Variants in CRYM observed in about 807,000 individuals in gnomAD.
CRYM encodes ketimine reductase mu-crystallin.
CRYM carries 18 observed loss-of-function variants against 32.9 expected under a neutral mutation model. The ratio of observed to expected loss-of-function variants is 0.55; its 90% CI spans 0.38 to 0.81. CRYM has a LOEUF of 0.81. Ranked by LOEUF, CRYM falls within the 30% of genes least tolerant of loss-of-function variation. The pLI, the probability that CRYM is intolerant of heterozygous loss-of-function variation, is 0.00. For missense variants in CRYM, 337 were observed against 393.5 expected (o/e 0.86, Z 1.21); for synonymous variants, 153 against 152.4 (o/e 1.00, Z -0.03).
chr16:21,291,339 G>A (rs1350739323), intron 1 of CRYM, among the ~76,000 whole-genome samples: 1 of 152,148 alleles, frequency 6.6e-6, no homozygotes. Flanking sequence ...AGTACAGAAA[G>A]TGAGTATCTG....
upstream of CRYM, chr16:21,278,335 C>T: frequency 6.7e-7 from 1 of 1,498,378 alleles, no homozygotes; most frequent in South Asian, 1.2e-5. Context: ...GCGCCCGCTG[C>T]TCTGTGGAGC....
intron 1 of CRYM, among the ~76,000 whole-genome samples, chr16:21,293,476 C>A (rs1431719429): frequency 1.3e-5 from 2 of 152,136 alleles, no homozygotes. Flanking sequence ...AAAAAAATCT[C>A]TGAGAACTAG....
At chr16:21,269,073 G>A (rs998179209) in intron 4 of CRYM, among the ~76,000 whole-genome samples, 24 of 147,708 alleles carry the variant, frequency 1.6e-4, no homozygotes, top group Admixed American at 1.5e-3. Flanking sequence ...GAACCCAGGA[G>A]ATGGAGGTTG....
At chr16:21,301,636 TGCTCCCCTCGA>T (rs1960938628) in intron 1 of CRYM, among the ~76,000 whole-genome samples, 1 of 152,212 alleles carries the variant, frequency 6.6e-6, no homozygotes, top group Non-Finnish European at 1.5e-5. Context: ...GGTTCTTGCG[TGCTCCCCTCGA>T]GCACCGCCGA....
chr16:21,281,556 A>G (rs905129983), upstream of CRYM, among the ~76,000 whole-genome samples: 3 of 152,160 alleles, frequency 2.0e-5, no homozygotes, highest in Non-Finnish European at 2.9e-5. Context: ...TAAAACAATT[A>G]CAACTCATCC....
chr16:21,297,427 A>T (rs1334879911), intron 1 of CRYM, among the ~76,000 whole-genome samples: 1 of 152,176 alleles, frequency 6.6e-6, no homozygotes, highest in South Asian at 2.1e-4. Context: ...AGACTCATGA[A>T]CACAAGGAAT....
intron 1 of CRYM, among the ~76,000 whole-genome samples, chr16:21,293,508 G>A (rs976034234): frequency 2.0e-5 from 3 of 152,144 alleles, no homozygotes; most frequent in African/African-American, 7.2e-5. Flanking sequence ...CAAAATCCTG[G>A]TTATAGGGGG....
chr16:21,288,469 A>G (rs2093410963), intron 1 of CRYM, among the ~76,000 whole-genome samples: 1 of 151,200 alleles, frequency 6.6e-6, no homozygotes, highest in African/African-American at 2.4e-5. Flanking sequence ...GATTGGTAGT[A>G]ATGTCTTCTC....
chr16:21,288,118 CA>C (rs2093410483), intron 1 of CRYM, among the ~76,000 whole-genome samples: 2 of 152,206 alleles, frequency 1.3e-5, no homozygotes, highest in South Asian at 4.1e-4. Flanking sequence ...AATTGTAGGA[CA>C]CCCAGTTGGG....
chr16:21,290,135 G>C (rs1960592710), intron 1 of CRYM, among the ~76,000 whole-genome samples: 1 of 152,126 alleles, frequency 6.6e-6, no homozygotes, highest in African/African-American at 2.4e-5. Context: ...CTGGCCACCA[G>C]AGCCAGCAGT....
At chr16:21,279,569 A>G (rs916634970), upstream of CRYM, among the ~76,000 whole-genome samples, 2 of 152,246 alleles carry the variant, frequency 1.3e-5, no homozygotes, top group Non-Finnish European at 2.9e-5. Context: ...GGAGTCAGGC[A>G]GCTGAGAATG....
At chr16:21,261,567 G>C (rs1031348148) in intron 6 of CRYM, 1 of 583,150 alleles carries the variant, frequency 1.7e-6, no homozygotes, top group Non-Finnish European at 3.0e-6. Flanking sequence ...ACAGAGATTC[G>C]AGTTGGTGCT....
intron 6 of CRYM, 142 bp downstream of exon 6, chr16:21,261,895 T>A (rs1056549030): frequency 1.0e-6 from 1 of 952,976 alleles, no homozygotes; most frequent in African/African-American, 1.6e-5. Context: ...GGTTGCAAAA[T>A]GTTTAGGAGC....
intron 1 of CRYM, among the ~76,000 whole-genome samples, chr16:21,294,343 T>A (rs900685450): frequency 3.3e-5 from 5 of 152,342 alleles, no homozygotes; most frequent in African/African-American, 1.2e-4. Flanking sequence ...ATTATTATTT[T>A]TTTAAATTTA....
At chr16:21,283,984 C>G (rs1449690941) in intron 1 of CRYM, 2 of 152,366 alleles carry the variant, frequency 1.3e-5, no homozygotes, top group Non-Finnish European at 2.9e-5. Context: ...CTCGGGAGCC[C>G]CGGCCAGCCC....
chr16:21,280,666 G>T (rs1350603973), upstream of CRYM, among the ~76,000 whole-genome samples: 1 of 152,216 alleles, frequency 6.6e-6, no homozygotes, highest in Non-Finnish European at 1.5e-5. Context: ...GCCAGGAAGG[G>T]TTAAGTCACG....
intron 6 of CRYM, 153 bp from the exon 7 acceptor site, chr16:21,261,491 A>G (rs1266432962): frequency 2.1e-5 from 14 of 660,046 alleles, no homozygotes; most frequent in Non-Finnish European, 3.2e-5. Flanking sequence ...ACACTGAATG[A>G]TATTAGGGAG....
chr16:21,278,421 G>A, upstream of CRYM: 6 of 762,724 alleles, frequency 7.9e-6, no homozygotes, highest in South Asian at 1.6e-5. Flanking sequence ...CTCCCCCTTC[G>A]CCCACCTCGA....
At chr16:21,300,771 G>C (rs1298414555) in intron 1 of CRYM, 1 of 152,230 alleles carries the variant, frequency 6.6e-6, no homozygotes, top group Non-Finnish European at 1.5e-5. Context: ...AGTCGTATCC[G>C]GCATTGCAGG....
Sources: allele counts gnomAD v4.1 joint callset (sites outside exome capture counted in the v4.1 genomes callset), GRCh38; gene constraint gnomAD v4.1.1; transcripts MANE v1.5; gene names NCBI Gene and HGNC (gene_info 2026-07-23, HGNC 2026-07-21).